Variants in EPHA3 observed in about 807,000 individuals in gnomAD.
EPHA3 encodes the protein ephrin type-A receptor 3.
In EPHA3, 42 loss-of-function variants were observed where a neutral mutation model predicts 107.1. That is an observed-to-expected ratio of 0.39 (90% CI 0.31 to 0.51). EPHA3 has a LOEUF of 0.51. Ranked by LOEUF, EPHA3 falls within the 20% of genes least tolerant of loss-of-function variation. The probability of loss-of-function intolerance (pLI) is 0.78; values close to 1 mark genes in which losing one functional copy is unlikely to be tolerated. For synonymous variants in EPHA3, 461 were observed against 424.8 expected, an observed-to-expected ratio of 1.09 and a Z score of -1.05; for missense variants, 1,183 against 1,211.2, an observed-to-expected ratio of 0.98 and a Z score of 0.35.
Position 89,124,619 on chromosome 3 carries a change from T to G in EPHA3, c.89-2590T>G, listed in dbSNP as rs536190127. 1.4e-4 allele frequency among the ~76,000 whole-genome samples: 21 copies of G among 152,160 alleles called. No homozygotes were observed. In the East Asian group the frequency reaches 2.3e-3, roughly 17 times the overall value. ...TACAATTTAGAAGCCACAATGGAAC[T>G]GTTGTTAAATAATATTAATGTATTA... On this transcript the variant is annotated intron_variant, in intron 1 of 16. Transcript: ENST00000336596.
At chr3:89,188,404 C>A (rs947605192) in intron 2 of EPHA3, among the ~76,000 whole-genome samples, 1 of 152,120 alleles carries the variant, frequency 6.6e-6, no homozygotes, top group Admixed American at 6.5e-5. Flanking sequence ...GAAACTTCTT[C>A]ATTTGGTGTC....
chr3:89,448,790 C>A (rs1709928466), intron 13 of EPHA3, among the ~76,000 whole-genome samples: 2 of 152,048 alleles, frequency 1.3e-5, no homozygotes, highest in Non-Finnish European at 2.9e-5. Context: ...AAGTTCTTTA[C>A]AAATACTGAC....
chr3:89,250,172 C>T (rs1705128284), intron 3 of EPHA3, among the ~76,000 whole-genome samples: 1 of 152,224 alleles, frequency 6.6e-6, no homozygotes, highest in African/African-American at 2.4e-5. Flanking sequence ...GGAAGGTTAA[C>T]TGATGTCATA....
chr3:89,371,297 C>CT (rs1443262799), intron 5 of EPHA3, among the ~76,000 whole-genome samples: 1 of 151,608 alleles, frequency 6.6e-6, no homozygotes, highest in Non-Finnish European at 1.5e-5. Flanking sequence ...ACAAAAACAT[C>CT]TTTTATCTGT....
intron 3 of EPHA3, among the ~76,000 whole-genome samples, chr3:89,251,266 C>G (rs1705160329): frequency 1.3e-5 from 2 of 151,618 alleles, no homozygotes; most frequent in East Asian, 1.9e-4. Flanking sequence ...ACAAATAAAC[C>G]CTCTTGAATA....
intron 5 of EPHA3, among the ~76,000 whole-genome samples, chr3:89,364,789 G>A (rs2107462560): frequency 6.6e-6 from 1 of 151,084 alleles, no homozygotes; most frequent in South Asian, 2.1e-4. Context: ...GCCAATCAGT[G>A]TAATACAGAG....
At chr3:89,325,578 T>G (rs2107388107) in intron 3 of EPHA3, among the ~76,000 whole-genome samples, 1 of 152,336 alleles carries the variant, frequency 6.6e-6, no homozygotes, top group East Asian at 1.9e-4. Flanking sequence ...TCATTTCTTT[T>G]CCAGCTATAC....
intron 16 of EPHA3, among the ~76,000 whole-genome samples, chr3:89,475,725 C>T (rs1054042596): frequency 6.6e-6 from 1 of 152,072 alleles, no homozygotes; most frequent in Non-Finnish European, 1.5e-5. Context: ...TATCCTGCAC[C>T]CTTGGATGCC....
At position 89,393,781 on chromosome 3, in the gene EPHA3, ATT is replaced by A. The variant is rs66531830; in HGVS notation, c.1307-2048_1307-2047del. Among the ~76,000 whole-genome samples the A allele has an allele frequency of 1.7e-3, 257 of 151,440 alleles. 2 individuals are homozygous for A. The highest frequency in any genetic ancestry group is 5.7e-3 in the African/African-American group (232 of 41,034). Reference sequence around the variant, plus strand: ...TAAGTATTAAAGTAAGCAAAAATAAATTTTTTTTTAAAAAATCCACATATCCA... The same window carrying A: ...TAAGTATTAAAGTAAGCAAAAATAAATTTTTTTAAAAAATCCACATATCCA... On this transcript the variant is annotated intron_variant, in intron 5 of 16. Coordinates refer to ENST00000336596, the MANE Select transcript of EPHA3 (RefSeq NM_005233.6).
chr3:89,263,992 G>A (rs572432582), intron 3 of EPHA3, among the ~76,000 whole-genome samples: 26 of 152,088 alleles, frequency 1.7e-4, no homozygotes, highest in African/African-American at 6.3e-4. Context: ...CTGCCCTCTG[G>A]CCTCAAAAAT....
Position 89,183,146 on chromosome 3 carries a change from T to C in EPHA3, c.154-26714T>C, listed in dbSNP as rs187261510. ...TGTACTCTGATAGTTAAAATAATTA[T>C]TGAGTTCCTACTACATGTATATTCA... On this transcript the variant is annotated intron_variant, in intron 2 of 16. Coordinates refer to ENST00000336596, the MANE Select transcript of EPHA3 (RefSeq NM_005233.6). 2.0e-5 allele frequency among the ~76,000 whole-genome samples: 3 copies of C among 152,152 alleles called. No individual in the cohort carries two copies. The East Asian group carries it at 5.8e-4, about 29-fold the overall frequency.
At chr3:89,438,267 C>G (rs1003315812) in intron 13 of EPHA3, among the ~76,000 whole-genome samples, 1 of 151,816 alleles carries the variant, frequency 6.6e-6, no homozygotes, top group Non-Finnish European at 1.5e-5. Context: ...CATCACTACA[C>G]CCGGCTAATT....
At chr3:89,411,429 G>A (rs956766260) in intron 9 of EPHA3, among the ~76,000 whole-genome samples, 1 of 151,830 alleles carries the variant, frequency 6.6e-6, no homozygotes, top group African/African-American at 2.4e-5. Context: ...TAGGAGTCGT[G>A]TTAGCTTTTC....
intron 13 of EPHA3, among the ~76,000 whole-genome samples, chr3:89,436,508 T>C (rs1220590316): frequency 6.6e-6 from 1 of 152,210 alleles, no homozygotes; most frequent in Non-Finnish European, 1.5e-5. Context: ...AGGTAGAGCG[T>C]AGTTGCACTG....
intron 5 of EPHA3, among the ~76,000 whole-genome samples, chr3:89,357,305 G>A (rs1252075637): frequency 2.0e-5 from 3 of 150,306 alleles, no homozygotes; most frequent in East Asian, 3.9e-4. Context: ...CAACTACTTA[G>A]GAAATGCTCA....
At chr3:89,164,867 A>G (rs1437113595) in intron 2 of EPHA3, among the ~76,000 whole-genome samples, 1 of 152,212 alleles carries the variant, frequency 6.6e-6, no homozygotes, top group African/African-American at 2.4e-5. Flanking sequence ...AAATTATCTG[A>G]TAATACTACA....
intron 2 of EPHA3, among the ~76,000 whole-genome samples, chr3:89,161,047 A>T (rs991798213): frequency 6.6e-6 from 1 of 152,202 alleles, no homozygotes; most frequent in African/African-American, 2.4e-5. Context: ...GGATGTTACC[A>T]TCTGAGTGAT....
chr3:89,220,162 G>A (rs1266256348), intron 3 of EPHA3, among the ~76,000 whole-genome samples: 1 of 152,124 alleles, frequency 6.6e-6, no homozygotes, highest in African/African-American at 2.4e-5. Context: ...GTAGTGGAAG[G>A]GTTGAGAAAC....
At chr3:89,441,950 G>A (rs898570172) in intron 13 of EPHA3, among the ~76,000 whole-genome samples, 12 of 151,628 alleles carry the variant, frequency 7.9e-5, no homozygotes, top group South Asian at 4.2e-4. Flanking sequence ...ACTCTTATTC[G>A]TGTCTCTCTA....
Sources: gnomAD v4.1 joint callset for allele counts (sites outside exome capture counted in the v4.1 genomes callset) on GRCh38, gnomAD v4.1.1 for gene constraint, MANE v1.5 for transcripts, NCBI Gene and HGNC (gene_info 2026-07-23, HGNC 2026-07-21) for gene names.